Variants in KCNIP4 observed in about 807,000 individuals in gnomAD.
KCNIP4 encodes potassium voltage-gated channel interacting protein 4.
In KCNIP4, 12 loss-of-function variants were observed where a neutral mutation model predicts 34.0. The ratio of observed to expected loss-of-function variants is 0.35; its 90% CI spans 0.23 to 0.57. The LOEUF (loss-of-function observed/expected upper bound fraction) is 0.57. Ranked by LOEUF, KCNIP4 falls within the 20% of genes least tolerant of loss-of-function variation. The pLI, the probability that KCNIP4 is intolerant of heterozygous loss-of-function variation, is 0.83. For synonymous variants in KCNIP4, 124 were observed against 102.2 expected (o/e 1.21, Z -1.29); for missense variants, 238 against 311.7 (o/e 0.76, Z 1.78).
At chr4:21,591,112 T>C (rs1042406052) in intron 1 of KCNIP4, among the ~76,000 whole-genome samples, 6 of 151,958 alleles carry the variant, frequency 3.9e-5, no homozygotes, top group Admixed American at 6.6e-5. Flanking sequence ...GAAGGAAATA[T>C]GGGACAAATA....
At chr4:21,218,858 T>C (rs1400663493) in intron 1 of KCNIP4, among the ~76,000 whole-genome samples, 3 of 152,154 alleles carry the variant, frequency 2.0e-5, no homozygotes, top group East Asian at 1.9e-4. Context: ...GATATATATA[T>C]GTGGGAGTAT....
At chr4:21,120,367 G>C (rs1179807866) in intron 1 of KCNIP4, among the ~76,000 whole-genome samples, 2 of 152,086 alleles carry the variant, frequency 1.3e-5, no homozygotes, top group African/African-American at 2.4e-5. Context: ...TCTGAGGTCT[G>C]TCTTCTCCCC....
At chr4:21,045,743 C>G (rs776952579) in intron 1 of KCNIP4, among the ~76,000 whole-genome samples, 1 of 152,014 alleles carries the variant, frequency 6.6e-6, no homozygotes, top group African/African-American at 2.4e-5. Flanking sequence ...AACAGAGAAA[C>G]CTGAAGAGGA....
Position 21,610,193 on chromosome 4 carries a change from A to G in KCNIP4, c.61+338378T>C, listed in dbSNP as rs1005594646. Among the ~76,000 whole-genome samples the G allele has an allele frequency of 3.9e-5, 6 of 152,266 alleles. No homozygotes were observed. The East Asian group carries it at 9.6e-4, about 24-fold the overall frequency. ...TAACAAAACACTACAGAGTGAATGG[A>G]TAAACCAGCAGAAATTTATTTTCAC... On this transcript the variant is annotated intron_variant, in intron 1 of 8. Coordinates refer to ENST00000382152, the MANE Select transcript of KCNIP4 (RefSeq NM_025221.6).
intron 3 of KCNIP4, among the ~76,000 whole-genome samples, chr4:20,769,712 C>T (rs942405305): frequency 1.3e-5 from 2 of 152,204 alleles, no homozygotes; most frequent in African/African-American, 4.8e-5. Context: ...CTATGGTTCT[C>T]ATCTGGGCCT....
At chr4:20,947,134 A>C (rs182943626) in intron 1 of KCNIP4, among the ~76,000 whole-genome samples, 2 of 152,098 alleles carry the variant, frequency 1.3e-5, no homozygotes, top group East Asian at 3.9e-4. Context: ...AACTTACGTG[A>C]CTTTGCCTGA....
intron 1 of KCNIP4, among the ~76,000 whole-genome samples, chr4:21,777,348 T>G (rs1719251395): frequency 6.6e-6 from 1 of 152,196 alleles, no homozygotes; most frequent in Admixed American, 6.5e-5. Context: ...CAGACACACT[T>G]GGATAATATC....
At chr4:20,743,197 G>A (rs1751593380) in intron 5 of KCNIP4, among the ~76,000 whole-genome samples, 1 of 152,024 alleles carries the variant, frequency 6.6e-6, no homozygotes, top group South Asian at 2.1e-4. Context: ...ACTGCCCAAG[G>A]TGTAATTTAT....
At chr4:20,730,814 T>C (rs1179767446) in intron 8 of KCNIP4, among the ~76,000 whole-genome samples, 1 of 152,152 alleles carries the variant, frequency 6.6e-6, no homozygotes, top group Admixed American at 6.5e-5. Flanking sequence ...CACTTGTCAG[T>C]TGCATGTGAA....
At chr4:20,806,810 T>C (rs1336749606) in intron 3 of KCNIP4, among the ~76,000 whole-genome samples, 2 of 152,142 alleles carry the variant, frequency 1.3e-5, no homozygotes, top group Non-Finnish European at 2.9e-5. Flanking sequence ...ATTATGTTAG[T>C]AAGCAGCAGA....
At chr4:20,890,511 T>G (rs1725812974) in intron 1 of KCNIP4, among the ~76,000 whole-genome samples, 1 of 152,198 alleles carries the variant, frequency 6.6e-6, no homozygotes. Flanking sequence ...CTAATATATA[T>G]TTGTTGAGTG....
chr4:21,131,779 A>G (rs930287128), intron 1 of KCNIP4, among the ~76,000 whole-genome samples: 11 of 152,240 alleles, frequency 7.2e-5, no homozygotes, highest in South Asian at 2.1e-4. Flanking sequence ...TTGGATATGT[A>G]TACTTTTCTG....
chr4:21,865,077 C>T (rs1238348746), intron 1 of KCNIP4, among the ~76,000 whole-genome samples: 2 of 151,310 alleles, frequency 1.3e-5, no homozygotes, highest in Non-Finnish European at 2.9e-5. Context: ...AGAATATTGC[C>T]TCTCTTTTTT....
At chr4:21,904,704 CA>C (rs1435448198) in intron 1 of KCNIP4, among the ~76,000 whole-genome samples, 3 of 152,126 alleles carry the variant, frequency 2.0e-5, no homozygotes, top group Admixed American at 2.0e-4. Context: ...TTCTCAGCCT[CA>C]GAATTATAGA....
chr4:20,820,919 C>A (rs1717025249), intron 3 of KCNIP4, among the ~76,000 whole-genome samples: 1 of 152,192 alleles, frequency 6.6e-6, no homozygotes, highest in Non-Finnish European at 1.5e-5. Flanking sequence ...CAGCACCCAC[C>A]TGGTGCTAAC....
intron 2 of KCNIP4, among the ~76,000 whole-genome samples, chr4:20,870,883 C>T (rs1723382506): frequency 6.6e-6 from 1 of 152,082 alleles, no homozygotes; most frequent in South Asian, 2.1e-4. Flanking sequence ...CCTCAACCTT[C>T]TCTGTCTCTA....
intron 1 of KCNIP4, among the ~76,000 whole-genome samples, chr4:21,237,752 A>T (rs1354834858): frequency 6.6e-6 from 1 of 152,190 alleles, no homozygotes; most frequent in East Asian, 1.9e-4. Flanking sequence ...CTTACCAACC[A>T]AAAAAGTCCA....
intron 1 of KCNIP4, among the ~76,000 whole-genome samples, chr4:21,428,589 C>T (rs2109656379): frequency 6.6e-6 from 1 of 152,228 alleles, no homozygotes; most frequent in East Asian, 1.9e-4. Context: ...AATATTTGGG[C>T]AATTTACAAC....
chr4:21,759,844 C>T (rs939325460), intron 1 of KCNIP4, among the ~76,000 whole-genome samples: 10 of 152,016 alleles, frequency 6.6e-5, no homozygotes, highest in African/African-American at 2.2e-4. Flanking sequence ...GCTGTGGATA[C>T]AGGAGGAACG....
Sources: gnomAD v4.1 joint callset for allele counts (sites outside exome capture counted in the v4.1 genomes callset) on GRCh38, gnomAD v4.1.1 for gene constraint, MANE v1.5 for transcripts, NCBI Gene and HGNC (gene_info 2026-07-23, HGNC 2026-07-21) for gene names.